Variants in ITGA8 observed in about 807,000 individuals in gnomAD.
ITGA8 encodes the protein integrin alpha-8.
In ITGA8, 91 loss-of-function variants were observed where a neutral mutation model predicts 142.3. The ratio of observed to expected loss-of-function variants is 0.64; its 90% CI spans 0.54 to 0.76. The LOEUF (loss-of-function observed/expected upper bound fraction) is 0.76, where lower values mean the gene tolerates loss of function less well. Ranked by LOEUF, ITGA8 falls within the 30% of genes least tolerant of loss-of-function variation. ITGA8 has a pLI of 0.00. For missense variants in ITGA8, 1,406 were observed against 1,327.7 expected (o/e 1.06, Z -0.92); for synonymous variants, 505 against 485.2 (o/e 1.04, Z -0.54).
intron 25 of ITGA8, among the ~76,000 whole-genome samples, chr10:15,564,670 G>A (rs1346654710): frequency 6.6e-6 from 1 of 152,200 alleles, no homozygotes; most frequent in Non-Finnish European, 1.5e-5. Flanking sequence ...TGTGCAGCCA[G>A]GATGTGCAGT....
chr10:15,703,309 C>G (rs1237762353), intron 2 of ITGA8, among the ~76,000 whole-genome samples: 2 of 152,198 alleles, frequency 1.3e-5, no homozygotes, highest in African/African-American at 4.8e-5. Context: ...TTCTAACTTC[C>G]TGTCTTGAAT....
chr10:15,671,150 C>T (rs1036577331), intron 8 of ITGA8, among the ~76,000 whole-genome samples: 6 of 152,152 alleles, frequency 3.9e-5, no homozygotes, highest in African/African-American at 4.8e-5. Context: ...GATAGGGATT[C>T]GTTTGTTTTG....
chr10:15,657,544 G>A (rs553992241), intron 10 of ITGA8, among the ~76,000 whole-genome samples: 2 of 116,128 alleles, frequency 1.7e-5, no homozygotes, highest in African/African-American at 6.6e-5. Context: ...CAGAGACAGT[G>A]GTCTCACTAT....
intron 2 of ITGA8, among the ~76,000 whole-genome samples, chr10:15,711,426 A>G (rs1359532291): frequency 2.0e-5 from 3 of 152,142 alleles, no homozygotes; most frequent in Admixed American, 1.3e-4. Flanking sequence ...ATATTTAATC[A>G]TCATATCAAA....
At chr10:15,637,964 G>A (rs989581407) in intron 13 of ITGA8, among the ~76,000 whole-genome samples, 1 of 151,966 alleles carries the variant, frequency 6.6e-6, no homozygotes, top group Non-Finnish European at 1.5e-5. Flanking sequence ...GAGATTCCAC[G>A]ATAATATTCT....
Position 15,688,450 on chromosome 10 carries a change from G to A in ITGA8, c.344-412C>T, listed in dbSNP as rs536261305. 5.3e-5 allele frequency among the ~76,000 whole-genome samples: 8 copies of A among 152,084 alleles called. No individual in the cohort carries two copies. In the South Asian group the frequency reaches 8.3e-4, roughly 16 times the overall value. ...TGTGCTGCTACACTCCAGCCTGGGC[G>A]ACAAAGTAAGACTCTGTCTCAAAAA... On this transcript the variant is annotated intron_variant, in intron 2 of 29. Transcript: ENST00000378076.
chr10:15,617,543 C>T (rs937198990), intron 13 of ITGA8, among the ~76,000 whole-genome samples: 1 of 152,108 alleles, frequency 6.6e-6, no homozygotes, highest in African/African-American at 2.4e-5. Context: ...GGACTACAGG[C>T]ACCTGCCACA....
chr10:15,719,629 A>C lies in ITGA8; in HGVS notation c.143T>G (p.Val48Gly). 7 of 1,542,490 alleles carry C rather than the reference A, an allele frequency of 4.5e-6. No individual in the cohort carries two copies. Among genetic ancestry groups the C allele is most frequent in the Non-Finnish European group, 6.1e-6 (7 of 1,154,050 alleles). ...AFNLDVEKLTVYSGPKGSYFG... is the reference protein window; with the variant it reads ...AFNLDVEKLTGYSGPKGSYFG... ...GTAGCTGCCCTTGGGGCCGCTGTACACTGTGAGCTTTTCCACGTCCAGGTT... is the reference window on the plus strand; with the variant it reads ...GTAGCTGCCCTTGGGGCCGCTGTACCCTGTGAGCTTTTCCACGTCCAGGTT... The change falls in exon 1 of 30, where the codon GTG becomes GGG. Residue 48 changes from valine (V) to glycine (G), a missense_variant. Coordinates refer to ENST00000378076, the MANE Select transcript of ITGA8 (RefSeq NM_003638.3).
intron 13 of ITGA8, among the ~76,000 whole-genome samples, chr10:15,640,642 A>G (rs934129397): frequency 1.3e-5 from 2 of 152,224 alleles, no homozygotes; most frequent in East Asian, 3.9e-4. Flanking sequence ...CTGCAGCTCA[A>G]TCAGGGGCTG....
chr10:15,577,641 A>G (rs910155448), intron 23 of ITGA8, among the ~76,000 whole-genome samples: 6 of 152,206 alleles, frequency 3.9e-5, no homozygotes, highest in African/African-American at 1.4e-4. Context: ...ATCCAGGGAA[A>G]CCATGGTAAA....
At chr10:15,564,250 AAAAAC>A (rs1225157093) in intron 25 of ITGA8, among the ~76,000 whole-genome samples, 1 of 152,230 alleles carries the variant, frequency 6.6e-6, no homozygotes. Context: ...GAAATTATTT[AAAAAC>A]AAAACAAAAC....
chr10:15,673,386 A>C (rs1834566662), intron 6 of ITGA8, among the ~76,000 whole-genome samples: 3 of 152,020 alleles, frequency 2.0e-5, no homozygotes, highest in Admixed American at 2.0e-4. Flanking sequence ...CCCGGCCATG[A>C]TGTAATTTTT....
intron 24 of ITGA8, among the ~76,000 whole-genome samples, chr10:15,573,466 A>G (rs2131582137): frequency 6.7e-6 from 1 of 149,552 alleles, no homozygotes; most frequent in African/African-American, 2.5e-5. Flanking sequence ...GGCCTTGGTG[A>G]CTGTGTTATC....
At chr10:15,653,286 T>A (rs910417726) in intron 11 of ITGA8, among the ~76,000 whole-genome samples, 3 of 152,206 alleles carry the variant, frequency 2.0e-5, no homozygotes, top group African/African-American at 7.2e-5. Flanking sequence ...AGTTGGGGAT[T>A]GTATCCCTTC....
At chr10:15,607,608 A>C (rs1345629503) in intron 17 of ITGA8, 69 bp downstream of exon 17, 1 of 1,448,594 alleles carries the variant, frequency 6.9e-7, no homozygotes, top group East Asian at 2.3e-5. Flanking sequence ...ATGATGGTTA[A>C]ATGGAGAAAA....
chr10:15,534,837 C>T (rs1049479146), intron 27 of ITGA8, among the ~76,000 whole-genome samples: 44 of 152,202 alleles, frequency 2.9e-4, no homozygotes, highest in Non-Finnish European at 5.4e-4. Flanking sequence ...TCGCTCTCGG[C>T]GCCTCCTCTG....
intron 28 of ITGA8, among the ~76,000 whole-genome samples, chr10:15,527,518 T>C (rs1251211764): frequency 6.6e-6 from 1 of 152,244 alleles, no homozygotes; most frequent in Non-Finnish European, 1.5e-5. Flanking sequence ...TCTGTTGCAC[T>C]GTAACGATTC....
intron 13 of ITGA8, among the ~76,000 whole-genome samples, chr10:15,623,997 G>A (rs1029991657): frequency 6.6e-6 from 1 of 152,162 alleles, no homozygotes; most frequent in Non-Finnish European, 1.5e-5. Context: ...CATCCACAAT[G>A]TTGTGTGTTC....
chr10:15,701,179 T>A (rs1395169394), intron 2 of ITGA8, among the ~76,000 whole-genome samples: 2 of 152,332 alleles, frequency 1.3e-5, no homozygotes, highest in East Asian at 3.9e-4. Context: ...TGTGTATGTG[T>A]GATTGTGATT....
Sources: allele counts gnomAD v4.1 joint callset (sites outside exome capture counted in the v4.1 genomes callset), GRCh38; gene constraint gnomAD v4.1.1; transcripts MANE v1.5; gene names NCBI Gene and HGNC (gene_info 2026-07-23, HGNC 2026-07-21).